Variants in SMAD5 observed in about 807,000 individuals in gnomAD.
SMAD5 encodes the protein SMAD family member 5, also known as MAD, mothers against decapentaplegic homolog 5.
Under a neutral mutation model 43.1 loss-of-function variants are expected in SMAD5, and 9 were observed. The observed-to-expected ratio is 0.21, with a 90% CI of 0.13 to 0.36. SMAD5 has a LOEUF of 0.36. Ranked by LOEUF, SMAD5 falls within the 10% of genes least tolerant of loss-of-function variation. SMAD5 has a pLI of 1.00. For missense variants in SMAD5, 348 were observed against 574.0 expected (o/e 0.61, Z 4.02); for synonymous variants, 190 against 192.4 (o/e 0.99, Z 0.10).
rs146656180 is a variant in SMAD5, at chr5:136,136,563, A to C, written c.-245+3601A>C. 3.9e-3 allele frequency among the ~76,000 whole-genome samples: 601 copies of C among 152,324 alleles called. 4 individuals carry two copies. The highest frequency in any genetic ancestry group is 0.014 in the African/African-American group (566 of 41,556). On this transcript the variant is annotated intron_variant, in intron 1 of 7. Coordinates refer to ENST00000545279, the MANE Select transcript of SMAD5 (RefSeq NM_005903.7). ...AGGTAAAGATTTAGAACTCTTTTGG[A>C]AGAATTGTTAAAAACTAGATTGTTG...
intron 5 of SMAD5, among the ~76,000 whole-genome samples, chr5:136,167,354 C>G (rs1416478816): frequency 6.6e-6 from 1 of 152,112 alleles, no homozygotes; most frequent in African/African-American, 2.4e-5. Flanking sequence ...TTATTTTCCT[C>G]TCTTCCTTCT....
chr5:136,142,056 A>G (rs1436509020), intron 1 of SMAD5, among the ~76,000 whole-genome samples: 1 of 152,246 alleles, frequency 6.6e-6, no homozygotes, highest in Admixed American at 6.5e-5. Flanking sequence ...ACCAGAGCTA[A>G]TATCACAAAC....
At chr5:136,150,763 C>T (rs536591473) in intron 2 of SMAD5, among the ~76,000 whole-genome samples, 4 of 152,044 alleles carry the variant, frequency 2.6e-5, no homozygotes, top group Middle Eastern at 3.4e-3. Flanking sequence ...AGTCTTGGTT[C>T]GTCTTCTTTC....
At chr5:136,144,411 A>G (rs1753191380) in intron 1 of SMAD5, among the ~76,000 whole-genome samples, 1 of 150,426 alleles carries the variant, frequency 6.6e-6, no homozygotes, top group Non-Finnish European at 1.5e-5. Context: ...GAGAAGGCAG[A>G]ATTTGTCTTC....
Position 136,154,166 on chromosome 5 carries a change from A to G in SMAD5, c.403+3A>G. On this transcript the variant is annotated splice_donor_region_variant and intron_variant, in intron 3 of 7. Transcript: ENST00000545279. Reference sequence around the variant, plus strand: ...CTATAAGAGAGTGGAGAGTCCAGGTAGGTCTTATTCCTGAGAAGAATTTGG... The same window carrying G: ...CTATAAGAGAGTGGAGAGTCCAGGTGGGTCTTATTCCTGAGAAGAATTTGG... The G allele has an allele frequency of 6.6e-7, 1 of 1,514,894 alleles. No homozygotes were observed. The allele number at this position is 1,514,894 out of a possible 1,614,324, so 93.8% of individuals were successfully genotyped here.
At chr5:136,139,819 C>G (rs1246112774) in intron 1 of SMAD5, among the ~76,000 whole-genome samples, 1 of 152,044 alleles carries the variant, frequency 6.6e-6, no homozygotes. Context: ...CCTCAGCCTC[C>G]TAAGTAGATG....
chr5:136,162,469 G>A (rs1753853712), intron 4 of SMAD5, among the ~76,000 whole-genome samples: 1 of 152,174 alleles, frequency 6.6e-6, no homozygotes. Context: ...TTCTTTTGAA[G>A]AGAAATTAAG....
At chr5:136,169,865 A>G (rs1452114502) in intron 5 of SMAD5, among the ~76,000 whole-genome samples, 1 of 152,188 alleles carries the variant, frequency 6.6e-6, no homozygotes, top group African/African-American at 2.4e-5. Context: ...TTCCTTAATG[A>G]CATAACATGT....
intron 3 of SMAD5, among the ~76,000 whole-genome samples, chr5:136,159,489 C>T (rs189785335): frequency 9.2e-5 from 14 of 151,766 alleles, no homozygotes; most frequent in Non-Finnish European, 1.8e-4. Flanking sequence ...TTTTAAAAAT[C>T]GTGCATAGAT....
At chr5:136,156,543 G>T (rs1753643512) in intron 3 of SMAD5, among the ~76,000 whole-genome samples, 1 of 152,200 alleles carries the variant, frequency 6.6e-6, no homozygotes, top group Non-Finnish European at 1.5e-5. Context: ...TCTTTAGACA[G>T]TTGGTATGAT....
At chr5:136,135,948 C>T (rs1280917172) in intron 1 of SMAD5, among the ~76,000 whole-genome samples, 1 of 152,148 alleles carries the variant, frequency 6.6e-6, no homozygotes, top group African/African-American at 2.4e-5. Context: ...CTATGATTTG[C>T]CCGTCTTCTC....
rs1379373162 is a variant in SMAD5, at chr5:136,182,217, T to G, written c.*4737T>G. On this transcript the variant is annotated 3_prime_UTR_variant, in exon 8 of 8. Transcript: ENST00000545279. ...ACAAAACTCCAGTAAGGCCAAAGAATCCCAAGTTCTTTGTGGAAAAAAAAA... is the reference window on the plus strand; with the variant it reads ...ACAAAACTCCAGTAAGGCCAAAGAAGCCCAAGTTCTTTGTGGAAAAAAAAA... 6.9e-6 allele frequency: 1 copy of G among 145,512 alleles called. No homozygotes were observed. Among genetic ancestry groups the G allele is most frequent in the African/African-American group, 2.6e-5 (1 of 37,950 alleles). The allele number at this position is 145,512 out of a possible 1,614,324, so 9.0% of individuals were successfully genotyped here.
At chr5:136,171,699 A>G (rs949082135) in intron 5 of SMAD5, among the ~76,000 whole-genome samples, 1 of 152,170 alleles carries the variant, frequency 6.6e-6, no homozygotes, top group Admixed American at 6.5e-5. Context: ...CGTATGTCAT[A>G]TGTAGATGAT....
chr5:136,155,218 C>T (rs866256932), intron 3 of SMAD5, among the ~76,000 whole-genome samples: 4 of 151,952 alleles, frequency 2.6e-5, no homozygotes, highest in African/African-American at 9.7e-5. Flanking sequence ...CTCTGGTTTC[C>T]CCTATTGAAG....
intron 4 of SMAD5, among the ~76,000 whole-genome samples, chr5:136,161,613 G>T (rs1561651391): frequency 6.6e-6 from 1 of 152,210 alleles, no homozygotes; most frequent in Non-Finnish European, 1.5e-5. Flanking sequence ...GACTTTAGAA[G>T]TTAAAATGAA....
intron 2 of SMAD5, among the ~76,000 whole-genome samples, chr5:136,148,723 T>G (rs2149765291): frequency 6.6e-6 from 1 of 151,882 alleles, no homozygotes; most frequent in South Asian, 2.1e-4. Flanking sequence ...AATCAAATCC[T>G]AGATCCTACA....
rs563836307 is a variant in SMAD5 at position 136,144,392 on chromosome 5, AGCAAAAAAGAGAAGGCAGAATTTGT to A, written c.-244-3439_-244-3415del. 5.3e-3 allele frequency among the ~76,000 whole-genome samples: 802 copies of A among 152,118 alleles called. 9 individuals are homozygous for A. Among genetic ancestry groups the A allele is most frequent in the African/African-American group, 0.018 (760 of 41,534 alleles). On this transcript the variant is annotated intron_variant, in intron 1 of 7. Coordinates refer to ENST00000545279, the MANE Select transcript of SMAD5 (RefSeq NM_005903.7). Reference sequence around the variant, plus strand: ...TTTGGTTTAATACGGCCCTAGTAAGAGCAAAAAAGAGAAGGCAGAATTTGTCTTCTATCCCTGATTATGTTATTGA... The same window carrying A: ...TTTGGTTTAATACGGCCCTAGTAAGACTTCTATCCCTGATTATGTTATTGA...
At chr5:136,173,530 C>G (rs1462161794) in intron 6 of SMAD5, among the ~76,000 whole-genome samples, 3 of 152,202 alleles carry the variant, frequency 2.0e-5, no homozygotes, top group East Asian at 1.9e-4. Context: ...TTACTGCCAA[C>G]TTGCCTTAGT....
chr5:136,151,745 G>T (rs1448784685), intron 2 of SMAD5, among the ~76,000 whole-genome samples: 1 of 151,948 alleles, frequency 6.6e-6, no homozygotes, highest in Admixed American at 6.6e-5. Flanking sequence ...GAATCAGTCA[G>T]CCAGGCCTGT....
Sources: gnomAD v4.1 joint callset for allele counts (sites outside exome capture counted in the v4.1 genomes callset) on GRCh38, gnomAD v4.1.1 for gene constraint, MANE v1.5 for transcripts, NCBI Gene and HGNC (gene_info 2026-07-23, HGNC 2026-07-21) for gene names.